Variants in NACAD observed in about 807,000 individuals in gnomAD.
The protein encoded by NACAD is NAC alpha domain containing, also known as NAC-alpha domain-containing protein 1.
NACAD carries 47 observed loss-of-function variants against 98.9 expected under a neutral mutation model. The observed-to-expected ratio is 0.48, with a 90% CI of 0.38 to 0.61. The LOEUF is 0.61. NACAD is among the 20% of genes least tolerant of loss of function. The pLI, the probability that NACAD is intolerant of heterozygous loss-of-function variation, is 0.00. For missense variants in NACAD, 1,412 were observed against 1,748.2 expected, an observed-to-expected ratio of 0.81 and a Z score of 3.43; for synonymous variants, 696 against 767.2, an observed-to-expected ratio of 0.91 and a Z score of 1.53.
In NACAD at chr7:45,081,799, C is replaced by T. The variant is rs776628513; in HGVS notation, c.4141G>A (p.Glu1381Lys). Residue 1381 changes from glutamate (E) to lysine (K), a missense_variant, in exon 3 of 8, where the codon GAG becomes AAG. This residue lies in a region of NACAD where 572 missense variants were observed against 639.6 expected (regional missense o/e 0.89). Transcript: ENST00000490531. ...SHGESSAELD[E>K]QDILAPQTVQ... The stretch of plus-strand genomic sequence containing the variant: ...GTCTGAGGAGCCAAGATGTCCTGCT[C>T]GTCCAGCTCGGCTGATGACTCCCCG... The T allele has an allele frequency of 5.2e-6, 8 of 1,550,612 alleles. No homozygotes were observed. The highest frequency in any genetic ancestry group is 4.8e-5 in the South Asian group (4 of 84,050).
Position 45,082,545 on chromosome 7 carries a change from A to G in NACAD, c.3635T>C (p.Leu1212Pro), listed in dbSNP as rs1310030137. Reference protein sequence around the residue: ...GTPLLQPPENLAKGQPSTPVD... With the variant: ...GTPLLQPPENPAKGQPSTPVD... ...GGGCGTGCTGGGCTGACCCTTGGCAAGGTTTTCTGGGGGCTGCAGCAAGGG... is the reference window on the plus strand; with the variant it reads ...GGGCGTGCTGGGCTGACCCTTGGCAGGGTTTTCTGGGGGCTGCAGCAAGGG... Residue 1212 changes from leucine (L) to proline (P), a missense_variant, in exon 2 of 8, where the codon CTT (leucine) becomes CCT (proline). By Grantham distance (98) the Leu-to-Pro change is moderately conservative (BLOSUM62 -3). This residue lies in a region of NACAD where 572 missense variants were observed against 639.6 expected (regional missense o/e 0.89). Coordinates refer to ENST00000490531, the MANE Select transcript of NACAD (RefSeq NM_001146334.2). This position sits in a 1 kb window ranked among gnomAD's most constrained non-coding sequence, Gnocchi z 4.5. The G allele has an allele frequency of 6.5e-7, 1 of 1,548,386 alleles. No individual in the cohort carries two copies. Among genetic ancestry groups the G allele is most frequent in the Non-Finnish European group, 8.7e-7 (1 of 1,146,198 alleles).
Position 45,083,148 on chromosome 7 carries a change from G to A in NACAD, c.3032C>T (p.Thr1011Ile), listed in dbSNP as rs1055405089. 1.1e-5 allele frequency: 17 copies of A among 1,550,742 alleles called. No homozygotes were observed. The East Asian group carries it at 3.4e-4, about 31-fold the overall frequency. ...CGCATCTTCCTGTGCGGCCCAAGGT[G>A]TCCCAGCTTCTGCAGCTGGCTGTGG... ...DDPQPAAEAGTPWAAQEDADS... is the reference protein window; with the variant it reads ...DDPQPAAEAGIPWAAQEDADS... Residue 1011 changes from threonine to isoleucine, a missense_variant, in exon 2 of 8, where the codon ACA (threonine) becomes ATA (isoleucine). Thr to Ile is a moderately conservative substitution (Grantham distance 89). Transcript: ENST00000490531.
In NACAD at chr7:45,083,452, C is replaced by T; in HGVS notation, c.2728G>A (p.Ala910Thr). Residue 910 changes from alanine to threonine, a missense_variant, in exon 2 of 8, where the codon GCT becomes ACT. Ala to Thr is a moderately conservative substitution (Grantham distance 58). Transcript: ENST00000490531. ...TGGGGTAAGGTGAGGCCCTCTTCAG[C>T]CTGCTGGGACACAGGCGTGGCTGCA... ...VAAATPVSQQ[A>T]EEGLTLPQDS... 4 of 1,546,474 alleles carry T rather than the reference C, an allele frequency of 2.6e-6. No individual in the cohort carries two copies. The highest frequency in any genetic ancestry group is 3.5e-6 in the Non-Finnish European group (4 of 1,146,218).
chr7:45,087,007 C>T (rs571206358), intron 1 of NACAD, among the ~76,000 whole-genome samples: 5 of 152,316 alleles, frequency 3.3e-5, no homozygotes, highest in African/African-American at 1.2e-4. Context: ...TGCACTCCCC[C>T]AACCCGCTGG....
At position 45,088,791 on chromosome 7, in the gene NACAD, G is replaced by C; in HGVS notation, c.67+37C>G. On this transcript the variant is annotated intron_variant, in intron 1 of 7. Transcript: ENST00000490531. The surrounding 1 kb of genome is among the most constrained non-coding windows in gnomAD (Gnocchi z 5.7). ...AAGAGAACCCGGGCTGGAGAGGGGAGAGGCTGAAGGCAGGGAAAGAGTGGC... is the reference window on the plus strand; with the variant it reads ...AAGAGAACCCGGGCTGGAGAGGGGACAGGCTGAAGGCAGGGAAAGAGTGGC... 2 of 1,461,200 alleles carry C rather than the reference G, an allele frequency of 1.4e-6. No homozygotes were observed. The allele number at this position is 1,461,200 out of a possible 1,614,324, so 90.5% of individuals were successfully genotyped here. A position where few individuals can be genotyped will look rare whatever the true frequency, so the allele number is the denominator to read the frequency against.
chr7:45,088,948 G>C lies in NACAD; in HGVS notation c.-54C>G, dbSNP rs548355891. ...AGTCCTTCCGACCCTCCGTCAGTCCGTGCCGCCGCCCCGCCGAGCCTGCGC... is the reference window on the plus strand; with the variant it reads ...AGTCCTTCCGACCCTCCGTCAGTCCCTGCCGCCGCCCCGCCGAGCCTGCGC... On this transcript the variant is annotated 5_prime_UTR_variant, in exon 1 of 8. Coordinates refer to ENST00000490531, the MANE Select transcript of NACAD (RefSeq NM_001146334.2). This position sits in a 1 kb window ranked among gnomAD's most constrained non-coding sequence, Gnocchi z 5.7. 1.6e-6 allele frequency: 2 copies of C among 1,268,708 alleles called. No individual in the cohort carries two copies. The highest frequency in any genetic ancestry group is 8.4e-5 in the Admixed American group (2 of 23,742). The allele number at this position is 1,268,708 out of a possible 1,614,324, so 78.6% of individuals were successfully genotyped here. A position where few individuals can be genotyped will look rare whatever the true frequency, so the allele number is the denominator to read the frequency against.
Position 45,082,130 on chromosome 7 carries a change from C to T in NACAD, c.4050G>A (p.Glu1350=), listed in dbSNP as rs1238466488. ...PQGLSAPEQQ[E]DEDSLEEDSP... ...TACCTTCCTCCAGGCTGTCCTCATC[C>T]TCTTGCTGCTCGGGGGCTGAGAGCC... The change falls in exon 2 of 8, where the codon GAG becomes GAA. Residue 1350 remains glutamate, a synonymous_variant. Coordinates refer to ENST00000490531, the MANE Select transcript of NACAD (RefSeq NM_001146334.2). The surrounding 1 kb of genome is among the most constrained non-coding windows in gnomAD (Gnocchi z 4.5). 1 of 1,481,562 alleles carries T rather than the reference C, an allele frequency of 6.7e-7. No individual in the cohort carries two copies. The highest frequency in any genetic ancestry group is 9.0e-7 in the Non-Finnish European group (1 of 1,115,072). The allele number at this position is 1,481,562 out of a possible 1,614,324, so 91.8% of individuals were successfully genotyped here.
chr7:45,082,254 T>G lies in NACAD; in HGVS notation c.3926A>C (p.Lys1309Thr), dbSNP rs980868243. The G allele has an allele frequency of 1.4e-4, 216 of 1,550,058 alleles. No homozygotes were observed. The highest frequency in any genetic ancestry group is 1.9e-4 in the Non-Finnish European group (214 of 1,146,662). ...GTCTTTGGCATCCATGGAGGCCACCTTGGGGCTGAGGAGTGGGGAGTGAGG... is the reference window on the plus strand; with the variant it reads ...GTCTTTGGCATCCATGGAGGCCACCGTGGGGCTGAGGAGTGGGGAGTGAGG... ...LSPHSPLLSP[K>T]VASMDAKDLA... Residue 1309 changes from lysine to threonine, a missense_variant, in exon 2 of 8, where the codon AAG becomes ACG. Transcript: ENST00000490531. This position sits in a 1 kb window ranked among gnomAD's most constrained non-coding sequence, Gnocchi z 4.5.
rs967105449 is a variant in NACAD at position 45,082,970 on chromosome 7, T to C, written c.3210A>G (p.Gln1070=). Residue 1070 remains glutamine, a synonymous_variant, in exon 2 of 8, where the codon CAA becomes CAG. Coordinates refer to ENST00000490531, the MANE Select transcript of NACAD (RefSeq NM_001146334.2). The surrounding 1 kb of genome is among the most constrained non-coding windows in gnomAD (Gnocchi z 4.5). ...TGDGAKPDSP[Q]KETLEVENQQ... is the part of the protein sequence containing the mutation. ...GGTTCTCAACCTCCAGGGTCTCCTT[T>C]TGGGGTGAGTCAGGCTTAGCCCCAT... is the stretch of plus-strand genomic sequence containing the variant. 47 of 1,550,866 alleles carry C rather than the reference T, an allele frequency of 3.0e-5. 1 individual carries two copies. Among genetic ancestry groups the C allele is most frequent in the Non-Finnish European group, 3.7e-5 (43 of 1,146,996 alleles).
chr7:45,083,301 G>A lies in NACAD; in HGVS notation c.2879C>T (p.Pro960Leu), dbSNP rs1362672442. 7 of 1,551,098 alleles carry A rather than the reference G, an allele frequency of 4.5e-6. No individual in the cohort carries two copies. Among genetic ancestry groups the A allele is most frequent in the African/African-American group, 1.4e-5 (1 of 73,066 alleles). ...TTCCTGCTGAGCCATGGTGGCCACA[G>A]GCTCTGTCCCTGGGGCACAGCCTGC... The part of the protein sequence containing the change: ...AEAGCAPGTE[P>L]VATMAQQEVG... Residue 960 changes from proline to leucine, a missense_variant, in exon 2 of 8, where the codon CCT (proline) becomes CTT (leucine). Physicochemically the swap from Pro to Leu is moderately conservative, Grantham distance 98. Around this residue, in one of 5 missense-constraint regions of NACAD, gnomAD observed 572 missense variants for 639.6 expected, o/e 0.89. Coordinates refer to ENST00000490531, the MANE Select transcript of NACAD (RefSeq NM_001146334.2).
rs190338940 is a variant in NACAD, at chr7:45,083,002, T to G, written c.3178A>C (p.Thr1060Pro). 393 of 1,550,956 alleles carry G rather than the reference T, an allele frequency of 2.5e-4. 2 individuals are homozygous for G. In the East Asian group the frequency reaches 8.3e-3, roughly 33 times the overall value. Residue 1060 changes from threonine to proline, a missense_variant, in exon 2 of 8, where the codon ACA (threonine) becomes CCA (proline). Thr to Pro is a conservative substitution (Grantham distance 38). Transcript: ENST00000490531. Reference protein sequence around the residue: ...REACLEARAHTGDGAKPDSPQ... With the variant: ...REACLEARAHPGDGAKPDSPQ... ...GAGTCAGGCTTAGCCCCATCACCTG[T>G]GTGCGCTCGCGCTTCCAGACATGCT...
At chr7:45,086,554 C>T (rs1184386301) in intron 1 of NACAD, among the ~76,000 whole-genome samples, 1 of 152,232 alleles carries the variant, frequency 6.6e-6, no homozygotes, top group African/African-American at 2.4e-5. Context: ...AGATGCGCCA[C>T]ATGAGGCAGG....
chr7:45,082,979 G>A lies in NACAD; in HGVS notation c.3201C>T (p.Asp1067=), dbSNP rs1164977964. ...RAHTGDGAKP[D]SPQKETLEVE... is the part of the protein sequence containing the mutation. ...CCTCCAGGGTCTCCTTTTGGGGTGA[G>A]TCAGGCTTAGCCCCATCACCTGTGT... The change falls in exon 2 of 8, where the codon GAC becomes GAT. Residue 1067 remains aspartate, a synonymous_variant. Coordinates refer to ENST00000490531, the MANE Select transcript of NACAD (RefSeq NM_001146334.2). The surrounding 1 kb of genome is among the most constrained non-coding windows in gnomAD (Gnocchi z 4.5). The A allele has an allele frequency of 6.4e-7, 1 of 1,550,970 alleles. No individual in the cohort carries two copies. The highest frequency in any genetic ancestry group is 8.7e-7 in the Non-Finnish European group (1 of 1,146,994).
intron 4 of NACAD, 42 bp downstream of exon 4, chr7:45,081,559 A>T: frequency 4.5e-6 from 7 of 1,549,024 alleles, no homozygotes; most frequent in Non-Finnish European, 6.1e-6. Context: ...CCCCACACAG[A>T]TGGTCCCAGG....
Position 45,085,856 on chromosome 7 carries a change from C to T in NACAD, c.324G>A (p.Glu108=), listed in dbSNP as rs1562929034. Residue 108 remains glutamate (E), a synonymous_variant, in exon 2 of 8, where the codon GAG becomes GAA. Coordinates refer to ENST00000490531, the MANE Select transcript of NACAD (RefSeq NM_001146334.2). The surrounding 1 kb of genome is among the most constrained non-coding windows in gnomAD (Gnocchi z 6.1). ...GCTCCAGGGTGGCCGGGAGAGGAGC[C>T]TCCGTGGACAGAGCCTGGGAAGACA... is the stretch of plus-strand genomic sequence containing the variant. ...EGLSSQALST[E]APLPATLEPR... 7.1e-6 allele frequency: 11 copies of T among 1,544,996 alleles called. No individual in the cohort carries two copies. The highest frequency in any genetic ancestry group is 1.8e-4 in the Middle Eastern group (1 of 5,526).
At position 45,084,636 on chromosome 7, in the gene NACAD, G is replaced by T; in HGVS notation, c.1544C>A (p.Ala515Asp). 6.4e-7 allele frequency: 1 copy of T among 1,551,550 alleles called. No individual in the cohort carries two copies. The highest frequency in any genetic ancestry group is 2.4e-5 in the East Asian group (1 of 40,910). Residue 515 changes from alanine (A) to aspartate (D), a missense_variant, in exon 2 of 8, where the codon GCT becomes GAT. Transcript: ENST00000490531. ...TGCCATGGCAGCAGATTCTTGTCCA[G>T]CGGTGGAGTCTGTTTCTTCCTCCCC... ...QAGEEETDSTAGQESAAMAMP... is the reference protein window; with the variant it reads ...QAGEEETDSTDGQESAAMAMP...
Position 45,085,431 on chromosome 7 carries a change from C to T in NACAD, c.749G>A (p.Gly250Asp). The part of the protein sequence containing the change: ...APAEGLDFPS[G>D]WGLSPQGSMV... ...GGACCCCTGCGGGGACAGGCCCCAGCCTGAGGGGAAGTCCAGCCCTTCAGC... is the reference window on the plus strand; with the variant it reads ...GGACCCCTGCGGGGACAGGCCCCAGTCTGAGGGGAAGTCCAGCCCTTCAGC... Residue 250 changes from glycine (G) to aspartate (D), a missense_variant, in exon 2 of 8, where the codon GGC (glycine) becomes GAC (aspartate). Physicochemically the swap from Gly to Asp is moderately conservative, Grantham distance 94 (BLOSUM62 -1). Around this residue, in one of 5 missense-constraint regions of NACAD, gnomAD observed 638 missense variants for 722.7 expected, o/e 0.88. Coordinates refer to ENST00000490531, the MANE Select transcript of NACAD (RefSeq NM_001146334.2). This position sits in a 1 kb window ranked among gnomAD's most constrained non-coding sequence, Gnocchi z 6.1. 1 of 1,548,256 alleles carries T rather than the reference C, an allele frequency of 6.5e-7. No individual in the cohort carries two copies.
At position 45,085,723 on chromosome 7, in the gene NACAD, G is replaced by A; in HGVS notation, c.457C>T (p.Pro153Ser). 6.5e-7 allele frequency: 1 copy of A among 1,550,000 alleles called. No homozygotes were observed. The highest frequency in any genetic ancestry group is 8.7e-7 in the Non-Finnish European group (1 of 1,146,880). The change falls in exon 2 of 8, where the codon CCC becomes TCC. Residue 153 changes from proline to serine, a missense_variant. This residue lies in a region of NACAD where 638 missense variants were observed against 722.7 expected (regional missense o/e 0.88). Transcript: ENST00000490531. This position sits in a 1 kb window ranked among gnomAD's most constrained non-coding sequence, Gnocchi z 6.1. Reference protein sequence around the residue: ...EGGHASPDPPPELCSQGDLSV... With the variant: ...EGGHASPDPPSELCSQGDLSV... ...AGATCACCCTGAGAACACAGCTCGG[G>A]GGGTGGGTCTGGGCTTGCGTGCCCA... is the stretch of plus-strand genomic sequence containing the variant.
In NACAD at chr7:45,085,191, G is replaced by T; in HGVS notation, c.989C>A (p.Ser330Tyr). 2 of 1,551,352 alleles carry T rather than the reference G, an allele frequency of 1.3e-6. No homozygotes were observed. Among genetic ancestry groups the T allele is most frequent in the Non-Finnish European group, 1.7e-6 (2 of 1,146,888 alleles). The change falls in exon 2 of 8, where the codon TCC (serine) becomes TAC (tyrosine). Residue 330 changes from serine to tyrosine, a missense_variant. Ser to Tyr is a moderately radical substitution (Grantham distance 144). Around this residue, in one of 5 missense-constraint regions of NACAD, gnomAD observed 638 missense variants for 722.7 expected, o/e 0.88. Transcript: ENST00000490531. The surrounding 1 kb of genome is among the most constrained non-coding windows in gnomAD (Gnocchi z 6.1). ...AGCCTCCTCTTCTTCTTCCTCTGGG[G>T]ATAGCGGTGTCACCTCCACTGCCTC... is the stretch of plus-strand genomic sequence containing the variant. ...QVEAVEVTPL[S>Y]PEEEEEEAVA...
Sources: gnomAD v4.1 joint callset for allele counts (sites outside exome capture counted in the v4.1 genomes callset) on GRCh38, gnomAD v4.1.1 for gene constraint, gnomAD v4.1.1 regional missense constraint, Gnocchi (gnomAD v3.1) non-coding constraint, MANE v1.5 for transcripts, NCBI Gene and HGNC (gene_info 2026-07-23, HGNC 2026-07-21) for gene names.